Variants in CSNK2A2IP observed in about 807,000 individuals in gnomAD.
The protein encoded by CSNK2A2IP is casein kinase II subunit alpha'-interacting protein.
the CSNK2A2IP span, among the ~76,000 whole-genome samples, chr3:88,445,512 C>G: frequency 6.6e-6 from 1 of 151,958 alleles, no homozygotes; most frequent in Non-Finnish European, 1.5e-5. Flanking sequence ...TGTCAAGGGG[C>G]AAATGCATTT....
At chr3:88,353,119 T>C in the CSNK2A2IP span, among the ~76,000 whole-genome samples, 1 of 152,176 alleles carries the variant, frequency 6.6e-6, no homozygotes, top group Non-Finnish European at 1.5e-5. Context: ...ATACTTCTTT[T>C]TTTAGGGAAA....
chr3:88,348,353 C>T, the CSNK2A2IP span, among the ~76,000 whole-genome samples: 1 of 151,994 alleles, frequency 6.6e-6, no homozygotes, highest in African/African-American at 2.4e-5. Flanking sequence ...AGACACTCAT[C>T]TTTATGTAAT....
chr3:88,420,061 T>C, the CSNK2A2IP span, among the ~76,000 whole-genome samples: 1 of 152,180 alleles, frequency 6.6e-6, no homozygotes, highest in African/African-American at 2.4e-5. Context: ...AGAGAAATTA[T>C]GATTTTATTG....
chr3:88,353,128 A>C, the CSNK2A2IP span, among the ~76,000 whole-genome samples: 36 of 152,180 alleles, frequency 2.4e-4, no homozygotes, highest in East Asian at 2.9e-3. Flanking sequence ...TTTTTAGGGA[A>C]AGTTACTCAG....
the CSNK2A2IP span, among the ~76,000 whole-genome samples, chr3:88,446,030 TTTTCTTTCTTTCTTTCTTTC>T: frequency 0.036 from 2,112 of 58,088 alleles, 50 homozygotes; most frequent in Middle Eastern, 0.056. Flanking sequence ...TCTTTGTTTC[TTTTCTTTCTTTCTTTCTTTC>T]TTTCTTTCTT....
chr3:88,388,944 C>T, the CSNK2A2IP span, among the ~76,000 whole-genome samples: 1 of 149,994 alleles, frequency 6.7e-6, no homozygotes, highest in Non-Finnish European at 1.5e-5. Flanking sequence ...TCTATTGTCT[C>T]CTTTGTGCTG....
chr3:88,426,879 C>T, the CSNK2A2IP span, among the ~76,000 whole-genome samples: 2 of 112,274 alleles, frequency 1.8e-5, no homozygotes, highest in East Asian at 2.3e-4. Context: ...TAAATTGGTA[C>T]CACGGGGGAT....
At chr3:88,353,649 T>G in the CSNK2A2IP span, among the ~76,000 whole-genome samples, 1 of 152,144 alleles carries the variant, frequency 6.6e-6, no homozygotes. Context: ...AATCCTTGCT[T>G]TCAAGATCCC....
At chr3:88,388,153 A>G in the CSNK2A2IP span, among the ~76,000 whole-genome samples, 2 of 151,996 alleles carry the variant, frequency 1.3e-5, no homozygotes, top group South Asian at 2.1e-4. Flanking sequence ...TTTCTATTTT[A>G]GTTTCTAACA....
chr3:88,465,173 C>T, the CSNK2A2IP span: 1 of 398,390 alleles, frequency 2.5e-6, no homozygotes, highest in Non-Finnish European at 4.4e-6. Context: ...TTTTCAATCT[C>T]ATCTACACTT....
At chr3:88,411,350 CATCTATCTATCT>C in the CSNK2A2IP span, among the ~76,000 whole-genome samples, 3 of 146,658 alleles carry the variant, frequency 2.0e-5, no homozygotes, top group South Asian at 4.3e-4. Context: ...CTCTATCTAT[CATCTATCTATCT>C]ATCTATCTAT....
chr3:88,357,143 A>C, the CSNK2A2IP span, among the ~76,000 whole-genome samples: 1 of 151,120 alleles, frequency 6.6e-6, no homozygotes, highest in Non-Finnish European at 1.5e-5. Flanking sequence ...TTTTTTCTTT[A>C]TTTGCCTGTG....
chr3:88,342,628 ACT>A, the CSNK2A2IP span, among the ~76,000 whole-genome samples: 1 of 151,622 alleles, frequency 6.6e-6, no homozygotes, highest in African/African-American at 2.4e-5. Flanking sequence ...AATACTCAGA[ACT>A]TTTTTTGTCA....
the CSNK2A2IP span, among the ~76,000 whole-genome samples, chr3:88,425,531 C>G: frequency 4.6e-5 from 7 of 152,002 alleles, no homozygotes; most frequent in African/African-American, 1.7e-4. Context: ...ATTCTGTTTT[C>G]TTGTCAATTG....
At chr3:88,431,229 TCA>T in the CSNK2A2IP span, 3 of 152,244 alleles carry the variant, frequency 2.0e-5, no homozygotes, top group South Asian at 6.2e-4. Flanking sequence ...AGTCAATTGT[TCA>T]CAGTCAGTTA....
At chr3:88,381,255 T>C in the CSNK2A2IP span, among the ~76,000 whole-genome samples, 1 of 152,274 alleles carries the variant, frequency 6.6e-6, no homozygotes, top group Admixed American at 6.5e-5. Flanking sequence ...TGTTTGTAAA[T>C]AAAGACCTGA....
At chr3:88,360,208 T>G in the CSNK2A2IP span, among the ~76,000 whole-genome samples, 1 of 151,564 alleles carries the variant, frequency 6.6e-6, no homozygotes, top group Non-Finnish European at 1.5e-5. Context: ...TGATCTTGGC[T>G]CACCACAACT....
At chr3:88,424,565 C>T in the CSNK2A2IP span, among the ~76,000 whole-genome samples, 4 of 152,102 alleles carry the variant, frequency 2.6e-5, no homozygotes, top group Non-Finnish European at 5.9e-5. Flanking sequence ...TTCCTTAACA[C>T]AATTACTGCA....
the CSNK2A2IP span, among the ~76,000 whole-genome samples, chr3:88,449,160 G>A: frequency 0.01 from 1,581 of 151,626 alleles, 11 homozygotes; most frequent in Non-Finnish European, 0.014. Flanking sequence ...GTTTTTATTT[G>A]GTGAACTTAT....
Sources: allele counts gnomAD v4.1 joint callset (sites outside exome capture counted in the v4.1 genomes callset), GRCh38; gene constraint gnomAD v4.1.1; transcripts MANE v1.5; gene names NCBI Gene and HGNC (gene_info 2026-07-23, HGNC 2026-07-21).